ZNF385D: variants seen among roughly 807,000 people sequenced by gnomAD.
ZNF385D encodes zinc finger protein 659.
A neutral mutation model predicts 35.8 loss-of-function variants in ZNF385D; 15 were observed. The observed-to-expected ratio is 0.42, with a 90% CI of 0.28 to 0.64. ZNF385D has a LOEUF of 0.64. ZNF385D is among the 30% of genes least tolerant of loss of function. ZNF385D has a pLI of 0.23. For synonymous variants in ZNF385D, 212 were observed against 186.8 expected (o/e 1.13, Z -1.10); for missense variants, 474 against 494.6 (o/e 0.96, Z 0.39).
chr3:22,213,120 C>T (rs536776887), intron 2 of ZNF385D, among the ~76,000 whole-genome samples: 3 of 151,888 alleles, frequency 2.0e-5, no homozygotes, highest in Non-Finnish European at 2.9e-5. Flanking sequence ...TTTCAAAGAA[C>T]AGACATAATT....
intron 3 of ZNF385D, among the ~76,000 whole-genome samples, chr3:21,896,351 G>A (rs1267765929): frequency 1.3e-5 from 2 of 151,924 alleles, no homozygotes; most frequent in South Asian, 2.1e-4. Flanking sequence ...ACTTACCCAT[G>A]GTGTAGATAC....
At position 21,495,779 on chromosome 3, in the gene ZNF385D, T is replaced by TTAATAGATAGA. The variant is rs575466145; in HGVS notation, c.439+15071_439+15081dup. On this transcript the variant is annotated intron_variant, in intron 4 of 7. Transcript: ENST00000281523. ...TCCAGGAGTTGGCTTTTTGAAAGAA[T>TTAATAGATAGA]TAATAGATAGATAAAACACTAGCTA... 1.4e-3 allele frequency among the ~76,000 whole-genome samples: 217 copies of TTAATAGATAGA among 151,796 alleles called. 1 individual carries two copies. The highest frequency in any genetic ancestry group is 5.0e-3 in the African/African-American group (205 of 41,410).
intron 3 of ZNF385D, among the ~76,000 whole-genome samples, chr3:21,819,450 C>G (rs1559655313): frequency 6.7e-6 from 1 of 149,880 alleles, no homozygotes; most frequent in Non-Finnish European, 1.5e-5. Context: ...CTGACTATTA[C>G]AAAAAAAATC....
intron 2 of ZNF385D, among the ~76,000 whole-genome samples, chr3:21,612,482 G>A (rs537865413): frequency 5.9e-5 from 9 of 152,204 alleles, no homozygotes; most frequent in Admixed American, 2.0e-4. Context: ...AATTCAAACC[G>A]AAGACTTCTT....
chr3:21,807,863 T>G (rs1210097954), intron 3 of ZNF385D, among the ~76,000 whole-genome samples: 2 of 152,204 alleles, frequency 1.3e-5, no homozygotes, highest in African/African-American at 2.4e-5. Flanking sequence ...AGTTACCTAG[T>G]TGCTTACCCT....
chr3:21,790,445 G>T (rs887096730), intron 3 of ZNF385D, among the ~76,000 whole-genome samples: 2 of 151,672 alleles, frequency 1.3e-5, no homozygotes, highest in Non-Finnish European at 2.9e-5. Flanking sequence ...GGTGATTGCT[G>T]TTTCTTTGTA....
chr3:22,168,319 A>C (rs1418249260), intron 3 of ZNF385D, among the ~76,000 whole-genome samples: 1 of 152,190 alleles, frequency 6.6e-6, no homozygotes, highest in African/African-American at 2.4e-5. Context: ...GTCTAAAGTT[A>C]TTAAATAAAC....
rs565311382 is a variant in ZNF385D at position 21,816,736 on chromosome 3, T to C, written c.326-151708A>G. Among the ~76,000 whole-genome samples the C allele has an allele frequency of 2.6e-5, 4 of 152,238 alleles. No individual in the cohort carries two copies. In the South Asian group the frequency reaches 8.3e-4, roughly 32 times the overall value. ...CATGCTCATAGATAGGAAGAATCAA[T>C]ATCATGAAAATGGCCATACTGCCCA... On this transcript the variant is annotated intron_variant, in intron 3 of 5. Transcript: ENST00000494108.
chr3:22,013,578 G>A (rs1297086153), intron 3 of ZNF385D, among the ~76,000 whole-genome samples: 1 of 152,096 alleles, frequency 6.6e-6, no homozygotes, highest in Non-Finnish European at 1.5e-5. Context: ...TAACACCACT[G>A]GTGCAGGCAG....
chr3:21,473,530 C>G (rs573141488), intron 4 of ZNF385D, among the ~76,000 whole-genome samples: 1 of 152,024 alleles, frequency 6.6e-6, no homozygotes, highest in East Asian at 1.9e-4. Flanking sequence ...CAAGTGGCCC[C>G]TTGTTGAACC....
intron 3 of ZNF385D, among the ~76,000 whole-genome samples, chr3:21,926,861 G>A (rs1393189535): frequency 1.3e-5 from 2 of 152,136 alleles, no homozygotes; most frequent in Non-Finnish European, 1.5e-5. Context: ...GAGTGAAAAG[G>A]CAATCTACAG....
chr3:21,904,212 G>C (rs1348304100), intron 3 of ZNF385D, among the ~76,000 whole-genome samples: 1 of 148,438 alleles, frequency 6.7e-6, no homozygotes, highest in Non-Finnish European at 1.5e-5. Context: ...GCTGAGGCAG[G>C]AGAATGGCTT....
intron 4 of ZNF385D, among the ~76,000 whole-genome samples, chr3:21,484,433 G>T (rs192354107): frequency 6.6e-6 from 1 of 152,178 alleles, no homozygotes; most frequent in African/African-American, 2.4e-5. Context: ...TATCTGCACC[G>T]CAGGAGTCTG....
At chr3:21,505,059 T>C (rs1706669948) in intron 4 of ZNF385D, among the ~76,000 whole-genome samples, 1 of 152,104 alleles carries the variant, frequency 6.6e-6, no homozygotes, top group Non-Finnish European at 1.5e-5. Flanking sequence ...GGAAGTGGAC[T>C]CTAGCAATTG....
At chr3:21,495,659 C>T (rs191997482) in intron 4 of ZNF385D, among the ~76,000 whole-genome samples, 1 of 151,998 alleles carries the variant, frequency 6.6e-6, no homozygotes, top group African/African-American at 2.4e-5. Context: ...CAAGAGGAAA[C>T]CAGCCCCAAA....
At chr3:21,813,077 A>C (rs1266791411) in intron 3 of ZNF385D, among the ~76,000 whole-genome samples, 2 of 152,210 alleles carry the variant, frequency 1.3e-5, no homozygotes, top group Non-Finnish European at 2.9e-5. Flanking sequence ...ATACCCAGGC[A>C]AACAGGGTCT....
intron 3 of ZNF385D, among the ~76,000 whole-genome samples, chr3:21,838,347 G>C (rs1164833844): frequency 1.3e-5 from 2 of 152,046 alleles, no homozygotes. Flanking sequence ...GTTATGTATG[G>C]TATATATGCT....
intron 3 of ZNF385D, among the ~76,000 whole-genome samples, chr3:22,081,765 A>T (rs562951669): frequency 6.6e-6 from 1 of 152,312 alleles, no homozygotes; most frequent in Admixed American, 6.5e-5. Context: ...CCAAAACGCT[A>T]AAATATTGAT....
intron 2 of ZNF385D, among the ~76,000 whole-genome samples, chr3:22,179,899 A>G (rs935628181): frequency 7.9e-5 from 12 of 152,202 alleles, no homozygotes; most frequent in African/African-American, 2.9e-4. Flanking sequence ...GAGCAAACAC[A>G]TTCAAAAGCT....
Sources: allele counts gnomAD v4.1 joint callset (sites outside exome capture counted in the v4.1 genomes callset), GRCh38; gene constraint gnomAD v4.1.1; transcripts MANE v1.5; gene names NCBI Gene and HGNC (gene_info 2026-07-23, HGNC 2026-07-21).